CEP135: variants seen among roughly 807,000 people sequenced by gnomAD.
CEP135 encodes centrosomal protein of 135 kDa.
A neutral mutation model predicts 157.3 loss-of-function variants in CEP135; 142 were observed. The ratio of observed to expected loss-of-function variants is 0.90; its 90% CI spans 0.79 to 1.04. CEP135 has a LOEUF of 1.04. Among genes scored for constraint, CEP135 ranks in the 50% least tolerant of loss-of-function variants. The probability of loss-of-function intolerance (pLI) is 0.00; values close to 1 mark genes in which losing one functional copy is unlikely to be tolerated. For synonymous variants in CEP135, 396 were observed against 439.8 expected (o/e 0.90, Z 1.25); for missense variants, 1,317 against 1,309.2 (o/e 1.01, Z -0.09).
At chr4:55,970,282 A>G (rs1261387250) in intron 9 of CEP135, among the ~76,000 whole-genome samples, 2 of 152,330 alleles carry the variant, frequency 1.3e-5, no homozygotes, top group Non-Finnish European at 2.9e-5. Flanking sequence ...ACAGAAGCCT[A>G]AATGTAGCAT....
intron 15 of CEP135, among the ~76,000 whole-genome samples, chr4:55,998,856 C>T (rs927077012): frequency 2.0e-5 from 3 of 152,108 alleles, no homozygotes; most frequent in African/African-American, 7.2e-5. Context: ...CAGAGGGAGA[C>T]CCTGCCTCAA....
In CEP135 at chr4:55,954,064, T is replaced by C. The variant is rs56209204; in HGVS notation, c.305-152T>C. The C allele has an allele frequency of 0.11, 64,355 of 598,592 alleles. 4,828 individuals are homozygous for C. The highest frequency in any genetic ancestry group is 0.28 in the East Asian group (9,162 of 32,504). 37.1% of individuals were successfully genotyped at this position (598,592 alleles called of 1,614,324 possible). A position where few individuals can be genotyped will look rare whatever the true frequency, so the allele number is the denominator to read the frequency against. On this transcript the variant is annotated intron_variant, in intron 3 of 25. Transcript: ENST00000257287. ...GAGTTATTTGCAGTTTTGTTAATAA[T>C]AGTAGAAGAAGGAATAAGTGTCAAC... is the stretch of plus-strand genomic sequence containing the variant.
Position 55,957,345 on chromosome 4 carries a change from C to T in CEP135, c.595C>T (p.Leu199Phe), listed in dbSNP as rs1304201119. The change falls in exon 5 of 26, where the codon CTT becomes TTT. Residue 199 changes from leucine (L) to phenylalanine (F), a missense_variant. Leu to Phe is a conservative substitution (Grantham distance 22, BLOSUM62 0). Transcript: ENST00000257287. ...AGATGACCCTTACATTGCAGACCTC[C>T]TTCAAGTGGCTGATAACAGGTGCAT... ...QPDDPYIADL[L>F]QVADNRIQEL... is the part of the protein sequence containing the mutation. The T allele has an allele frequency of 4.3e-6, 7 of 1,612,492 alleles. No individual in the cohort carries two copies. The African/African-American group carries it at 6.7e-5, about 15-fold the overall frequency.
chr4:55,954,502 A>G, intron 4 of CEP135, 119 bp downstream of exon 4: 1 of 786,722 alleles, frequency 1.3e-6, no homozygotes, highest in Admixed American at 3.1e-5. Context: ...GTGTTTGAAA[A>G]TATATATTGA....
chr4:56,025,776 T>C (rs1201323251), intron 25 of CEP135, among the ~76,000 whole-genome samples: 1 of 152,062 alleles, frequency 6.6e-6, no homozygotes, highest in Non-Finnish European at 1.5e-5. Context: ...TATAATAACA[T>C]TGAAAGCTAG....
intron 8 of CEP135, among the ~76,000 whole-genome samples, chr4:55,967,163 T>A (rs1010935034): frequency 6.6e-6 from 1 of 152,124 alleles, no homozygotes; most frequent in African/African-American, 2.4e-5. Flanking sequence ...TTTTTATTTT[T>A]AAAAATTTCC....
rs769751447 is a variant in CEP135, at chr4:55,964,262, C to T, written c.700-12C>T. 1 of 1,599,516 alleles carries T rather than the reference C, an allele frequency of 6.3e-7. No individual in the cohort carries two copies. Among genetic ancestry groups the T allele is most frequent in the Non-Finnish European group, 8.5e-7 (1 of 1,175,068 alleles). On this transcript the variant is annotated splice_polypyrimidine_tract_variant and intron_variant, in intron 6 of 25. Coordinates refer to ENST00000257287, the MANE Select transcript of CEP135 (RefSeq NM_025009.5). ...CAGATTTTTTAAAATGACAGCATGA[C>T]TATATCTTCAGATTGAGCTAAGAGA...
intron 21 of CEP135, among the ~76,000 whole-genome samples, chr4:56,016,792 A>G (rs979656054): frequency 6.6e-6 from 1 of 152,024 alleles, no homozygotes; most frequent in Admixed American, 6.6e-5. Flanking sequence ...CTCCCGCCTC[A>G]GCCTCCCAAG....
At chr4:56,003,477 G>C (rs956919318) in intron 17 of CEP135, among the ~76,000 whole-genome samples, 1 of 152,110 alleles carries the variant, frequency 6.6e-6, no homozygotes. Flanking sequence ...CAAAGTGCTG[G>C]GATTAGAGGT....
chr4:56,009,865 C>T lies in CEP135; in HGVS notation c.2467C>T (p.Leu823=), dbSNP rs1483236339. The change falls in exon 19 of 26, where the codon CTG becomes TTG. Residue 823 remains leucine, a synonymous_variant. Coordinates refer to ENST00000257287, the MANE Select transcript of CEP135 (RefSeq NM_025009.5). ...REIAFKENRR[L]QDDLATMARE... is the part of the protein sequence containing the mutation. ...AATCGCTTTTAAGGAAAACAGAAGA[C>T]TGCAAGATGACCTGGCTACAATGGC... is the stretch of plus-strand genomic sequence containing the variant. 1.2e-6 allele frequency: 2 copies of T among 1,613,852 alleles called. No homozygotes were observed. Among genetic ancestry groups the T allele is most frequent in the East Asian group, 2.2e-5 (1 of 44,868 alleles).
Position 56,017,766 on chromosome 4 carries a change from T to A in CEP135, c.2921T>A (p.Leu974Ter). Residue 974 changes from leucine (L) to a stop codon, truncating the protein, a stop_gained, in exon 22 of 26, where the codon TTG becomes TAG. Coordinates refer to ENST00000257287, the MANE Select transcript of CEP135 (RefSeq NM_025009.5). LOFTEE classifies it high-confidence loss of function. ...GAGAAAGCAACAGTATTAAATGACT[T>A]GTCATCTCTTAGAGAACTTTGCATT... ...EDEKATVLNDLSSLRELCIKL... is the reference protein window; with the variant it reads ...EDEKATVLND 2 of 1,613,982 alleles carry A rather than the reference T, an allele frequency of 1.2e-6. No individual in the cohort carries two copies. Among genetic ancestry groups the A allele is most frequent in the Non-Finnish European group, 1.7e-6 (2 of 1,179,980 alleles).
intron 23 of CEP135, among the ~76,000 whole-genome samples, chr4:56,019,901 T>G (rs1256032537): frequency 6.6e-6 from 1 of 152,290 alleles, no homozygotes; most frequent in South Asian, 2.1e-4. Context: ...ATTGCACCAC[T>G]GCACTCCATC....
Position 55,985,347 on chromosome 4 carries a change from G to A in CEP135, c.1846G>A (p.Val616Ile). 1 of 1,583,448 alleles carries A rather than the reference G, an allele frequency of 6.3e-7. No individual in the cohort carries two copies. The highest frequency in any genetic ancestry group is 8.7e-7 in the Non-Finnish European group (1 of 1,155,112). ...GAAAACTATTGAACATTTGACATGT[G>A]TTAATCATCAGGTAATGTATCAAAC... ...LEKTIEHLTC[V>I]NHQLESEKYE... Residue 616 changes from valine to isoleucine, a missense_variant, in exon 14 of 26, where the codon GTT becomes ATT. Transcript: ENST00000257287.
rs1205594853 is a variant in CEP135 at position 56,033,249 on chromosome 4, T to A, written c.*1901T>A. On this transcript the variant is annotated 3_prime_UTR_variant, in exon 26 of 26. Transcript: ENST00000257287. ...TAACCATGATATTGTTTTGAAAAAA[T>A]TTTATCTTAAAATACTGAATGTTCT... 6.6e-6 allele frequency: 1 copy of A among 152,062 alleles called. No individual in the cohort carries two copies. Among genetic ancestry groups the A allele is most frequent in the Non-Finnish European group, 1.5e-5 (1 of 67,988 alleles). The allele number at this position is 152,062 out of a possible 1,614,324, so 9.4% of individuals were successfully genotyped here. A position where few individuals can be genotyped will look rare whatever the true frequency, so the allele number is the denominator to read the frequency against.
intron 13 of CEP135, among the ~76,000 whole-genome samples, chr4:55,982,120 C>T (rs1729432050): frequency 2.0e-5 from 3 of 152,176 alleles, no homozygotes; most frequent in Admixed American, 2.0e-4. Context: ...CCCATTTCTC[C>T]CATCCCCTCT....
At chr4:56,017,438 G>C (rs1730813091) in intron 21 of CEP135, among the ~76,000 whole-genome samples, 1 of 151,926 alleles carries the variant, frequency 6.6e-6, no homozygotes, top group African/African-American at 2.4e-5. Flanking sequence ...GAGATACTCA[G>C]TTACCATGAT....
At chr4:55,973,897 C>A (rs777643167) in intron 10 of CEP135, among the ~76,000 whole-genome samples, 1 of 152,162 alleles carries the variant, frequency 6.6e-6, no homozygotes, top group African/African-American at 2.4e-5. Context: ...GCTTTTCATT[C>A]ATTTGCTTAT....
intron 6 of CEP135, chr4:55,960,381 T>C (rs1470242756): frequency 6.6e-6 from 1 of 152,302 alleles, no homozygotes; most frequent in Admixed American, 6.5e-5. Flanking sequence ...TGCAGAGTTA[T>C]ATTATAACCA....
At chr4:55,954,924 T>C (rs1450064238) in intron 4 of CEP135, among the ~76,000 whole-genome samples, 1 of 152,028 alleles carries the variant, frequency 6.6e-6, no homozygotes, top group Non-Finnish European at 1.5e-5. Flanking sequence ...CTACCAAAAA[T>C]ACAAAAATTA....
Sources: gnomAD v4.1 joint callset for allele counts (sites outside exome capture counted in the v4.1 genomes callset) on GRCh38, gnomAD v4.1.1 for gene constraint, MANE v1.5 for transcripts, NCBI Gene and HGNC (gene_info 2026-07-23, HGNC 2026-07-21) for gene names.